The following BANK1 variants were observed in gnomAD, a reference collection of about 807,000 sequenced individuals.
The protein encoded by BANK1 is B-cell scaffold protein with ankyrin repeats.
In BANK1, 95 loss-of-function variants were observed where a neutral mutation model predicts 94.5. The ratio of observed to expected loss-of-function variants is 1.00; its 90% CI spans 0.85 to 1.19. BANK1 has a LOEUF of 1.19. BANK1 is among the 50% of genes most tolerant of loss of function. BANK1 has a pLI of 0.00. For synonymous variants in BANK1, 334 were observed against 308.4 expected, an observed-to-expected ratio of 1.08 and a Z score of -0.87; for missense variants, 987 against 932.2, an observed-to-expected ratio of 1.06 and a Z score of -0.77.
Position 101,839,946 on chromosome 4 carries a change from T to TA in BANK1, c.469+9740_469+9741insA, listed in dbSNP as rs1726973605. Among the ~76,000 whole-genome samples the TA allele has an allele frequency of 2.3e-3, 44 of 18,872 alleles. 3 individuals carry two copies. The highest frequency in any genetic ancestry group is 7.9e-3 in the African/African-American group (42 of 5,316). 12.4% of individuals were successfully genotyped at this position (18,872 alleles called of 152,430 possible). A position where few individuals can be genotyped will look rare whatever the true frequency, so the allele number is the denominator to read the frequency against. ...TAATTTCAAATATTTAATTTTTTTT[T>TA]TTTTTTTTTTTTTTTTTTTTTTTTT... On this transcript the variant is annotated intron_variant, in intron 2 of 16. Transcript: ENST00000322953.
intron 5 of BANK1, among the ~76,000 whole-genome samples, chr4:101,881,075 A>G (rs941617071): frequency 2.1e-4 from 32 of 152,130 alleles, no homozygotes; most frequent in Admixed American, 1.2e-3. Flanking sequence ...GACAAATATG[A>G]TAATATTGAG....
At chr4:101,979,065 C>A (rs545639281) in intron 7 of BANK1, among the ~76,000 whole-genome samples, 4 of 151,748 alleles carry the variant, frequency 2.6e-5, no homozygotes, top group African/African-American at 9.7e-5. Context: ...CATAAAGAAG[C>A]AGTAATGCAA....
intron 3 of BANK1, among the ~76,000 whole-genome samples, chr4:101,859,187 A>G (rs1021806873): frequency 6.6e-6 from 1 of 152,230 alleles, no homozygotes; most frequent in African/African-American, 2.4e-5. Flanking sequence ...GCAGCAAAAG[A>G]TGCTTGTGTG....
At chr4:101,929,792 G>T (rs896093814) in intron 7 of BANK1, among the ~76,000 whole-genome samples, 1 of 151,152 alleles carries the variant, frequency 6.6e-6, no homozygotes, top group Admixed American at 6.6e-5. Context: ...GTTGGGGGGG[G>T]ACTAAAAATG....
intron 6 of BANK1, among the ~76,000 whole-genome samples, chr4:101,899,540 A>G (rs993817419): frequency 6.6e-6 from 1 of 152,144 alleles, no homozygotes; most frequent in Non-Finnish European, 1.5e-5. Context: ...AATTTTTTTT[A>G]CCTGCGTAAC....
intron 1 of BANK1, among the ~76,000 whole-genome samples, chr4:101,804,582 G>C (rs563686462): frequency 3.3e-5 from 5 of 152,226 alleles, no homozygotes; most frequent in Admixed American, 1.3e-4. Context: ...GTAGATTGAG[G>C]TCTGCAGCTG....
intron 7 of BANK1, among the ~76,000 whole-genome samples, chr4:101,936,363 G>T (rs1723550847): frequency 6.7e-6 from 1 of 149,566 alleles, no homozygotes; most frequent in Non-Finnish European, 1.5e-5. Flanking sequence ...ATACATACAT[G>T]CATATATGTG....
At chr4:101,998,388 A>G (rs1725951895) in intron 7 of BANK1, among the ~76,000 whole-genome samples, 1 of 152,172 alleles carries the variant, frequency 6.6e-6, no homozygotes, top group African/African-American at 2.4e-5. Flanking sequence ...AAGAATGTAT[A>G]TTCTGTTGAT....
Position 101,870,583 on chromosome 4 carries a change from C to T in BANK1, c.842C>T (p.Pro281Leu), listed in dbSNP as rs1281885979. Residue 281 changes from proline to leucine, a missense_variant, in exon 5 of 17, where the codon CCA becomes CTA. By Grantham distance (98) the Pro-to-Leu change is moderately conservative (BLOSUM62 -3). Coordinates refer to ENST00000322953, the MANE Select transcript of BANK1 (RefSeq NM_017935.5). ...GCTACAACCAAAATTAAGTACTACC[C>T]AACAGCAAAGGCAAAGGAATGCCTA... Reference protein sequence around the residue: ...VKATTKIKYYPTAKAKECLFR... With the variant: ...VKATTKIKYYLTAKAKECLFR... 6.2e-7 allele frequency: 1 copy of T among 1,612,826 alleles called. No homozygotes were observed. The highest frequency in any genetic ancestry group is 1.1e-5 in the South Asian group (1 of 91,022).
At chr4:101,992,612 T>C (rs1725747125) in intron 7 of BANK1, among the ~76,000 whole-genome samples, 1 of 152,134 alleles carries the variant, frequency 6.6e-6, no homozygotes, top group South Asian at 2.1e-4. Context: ...GATTTTTCTT[T>C]TTACATATCT....
intron 7 of BANK1, among the ~76,000 whole-genome samples, chr4:101,984,823 A>T (rs1270860308): frequency 6.6e-6 from 1 of 152,094 alleles, no homozygotes; most frequent in Non-Finnish European, 1.5e-5. Context: ...GTAGAACAAA[A>T]TCCTTTGAGT....
At chr4:101,913,211 T>C (rs1578395204) in intron 6 of BANK1, among the ~76,000 whole-genome samples, 2 of 152,198 alleles carry the variant, frequency 1.3e-5, no homozygotes, top group African/African-American at 2.4e-5. Flanking sequence ...AAAGGAATTT[T>C]TTTTAATGAA....
chr4:101,834,942 C>T (rs4643809), intron 2 of BANK1, among the ~76,000 whole-genome samples: 68,541 of 151,854 alleles, frequency 0.45, 16,498 homozygotes, highest in African/African-American at 0.63. Context: ...TTTTAAAAGA[C>T]ACAGTAATTT....
At chr4:101,884,918 T>G (rs1212694857) in intron 5 of BANK1, among the ~76,000 whole-genome samples, 3 of 152,162 alleles carry the variant, frequency 2.0e-5, no homozygotes, top group Admixed American at 1.3e-4. Context: ...TTTGTTTTGT[T>G]TTTTTCTGAG....
intron 7 of BANK1, among the ~76,000 whole-genome samples, chr4:101,964,366 A>G (rs1724674262): frequency 6.6e-6 from 1 of 151,974 alleles, no homozygotes; most frequent in Non-Finnish European, 1.5e-5. Flanking sequence ...AACATGCACC[A>G]TCCCACAGCC....
intron 9 of BANK1, among the ~76,000 whole-genome samples, chr4:102,026,835 AAAAAAAG>A (rs1312273987): frequency 6.6e-6 from 1 of 151,914 alleles, no homozygotes; most frequent in Non-Finnish European, 1.5e-5. Context: ...AAAAAAAAAA[AAAAAAAG>A]GAATTTAGCA....
intron 7 of BANK1, among the ~76,000 whole-genome samples, chr4:101,973,666 C>A (rs142246374): frequency 6.6e-6 from 1 of 152,134 alleles, no homozygotes; most frequent in Non-Finnish European, 1.5e-5. Context: ...AGTTCCCTGG[C>A]TCTTTTTCAC....
intron 6 of BANK1, among the ~76,000 whole-genome samples, chr4:101,906,847 A>G (rs1399982196): frequency 6.6e-6 from 1 of 152,098 alleles, no homozygotes; most frequent in African/African-American, 2.4e-5. Flanking sequence ...CCCACAATGG[A>G]CGCCACTTGC....
At chr4:102,067,138 A>G (rs1296603460) in intron 13 of BANK1, among the ~76,000 whole-genome samples, 1 of 152,116 alleles carries the variant, frequency 6.6e-6, no homozygotes, top group African/African-American at 2.4e-5. Context: ...ATCAGTTAAA[A>G]AATAGATAAA....
Sources: allele counts gnomAD v4.1 joint callset (sites outside exome capture counted in the v4.1 genomes callset), GRCh38; gene constraint gnomAD v4.1.1; transcripts MANE v1.5; gene names NCBI Gene and HGNC (gene_info 2026-07-23, HGNC 2026-07-21).